RFFL: variants seen among roughly 807,000 people sequenced by gnomAD.
RFFL encodes ring finger and FYVE like domain containing E3 ubiquitin protein ligase, also known as E3 ubiquitin-protein ligase rififylin.
Under a neutral mutation model 40.4 loss-of-function variants are expected in RFFL, and 16 were observed. The observed-to-expected ratio is 0.40, with a 90% CI of 0.27 to 0.60. RFFL has a LOEUF of 0.60. RFFL is among the 20% of genes least tolerant of loss of function. The pLI, the probability that RFFL is intolerant of heterozygous loss-of-function variation, is 0.47. For synonymous variants in RFFL, 154 were observed against 167.9 expected (o/e 0.92, Z 0.64); for missense variants, 367 against 451.7 (o/e 0.81, Z 1.70).
intron 1 of RFFL, among the ~76,000 whole-genome samples, chr17:35,060,036 T>G (rs2091282563): frequency 6.6e-6 from 1 of 152,224 alleles, no homozygotes; most frequent in African/African-American, 2.4e-5. Context: ...TGAAGTGATC[T>G]AAAAAGTTAA....
intron 1 of RFFL, among the ~76,000 whole-genome samples, chr17:35,027,495 C>T (rs1477444799): frequency 1.3e-5 from 2 of 151,820 alleles, no homozygotes; most frequent in Non-Finnish European, 2.9e-5. Context: ...GAGACTGAGG[C>T]GAGTGGATCA....
At chr17:35,018,005 TC>T in intron 3 of RFFL, among the ~76,000 whole-genome samples, 1 of 152,292 alleles carries the variant, frequency 6.6e-6, no homozygotes, top group East Asian at 1.9e-4. Flanking sequence ...GCCATCCCTA[TC>T]CCTGGTTCTG....
intron 1 of RFFL, chr17:35,042,178 C>T (rs1227700251): frequency 6.6e-6 from 1 of 152,154 alleles, no homozygotes; most frequent in Non-Finnish European, 1.5e-5. Flanking sequence ...TTTATACCAA[C>T]AGCATAATTA....
At position 35,011,634 on chromosome 17, in the gene RFFL, G is replaced by A. The variant is rs1012179224; in HGVS notation, c.*334C>T. On this transcript the variant is annotated 3_prime_UTR_variant, in exon 7 of 7. Transcript: ENST00000394597. The stretch of plus-strand genomic sequence containing the variant: ...GGTGGGGATGGGTTGGGTACAGGAG[G>A]AGGGGTGAAACTGTCTAGGTTCAGG... 5.1e-5 allele frequency: 13 copies of A among 252,712 alleles called. No homozygotes were observed. The highest frequency in any genetic ancestry group is 1.0e-4 in the Non-Finnish European group (13 of 129,676). 15.7% of individuals were successfully genotyped at this position (252,712 alleles called of 1,614,324 possible).
At chr17:35,024,237 C>A (rs2091027551) in intron 2 of RFFL, among the ~76,000 whole-genome samples, 1 of 152,176 alleles carries the variant, frequency 6.6e-6, no homozygotes, top group South Asian at 2.1e-4. Context: ...CTCCCTCCCA[C>A]CCTATTCCCT....
In RFFL at chr17:35,007,609, G is replaced by A. The variant is rs1597807576; in HGVS notation, c.*4359C>T. The stretch of plus-strand genomic sequence containing the variant: ...TTTCTCTTCTCAGTCACAGCAGATG[G>A]ACACATAATCTTGTTCTCCCAGGGG... On this transcript the variant is annotated 3_prime_UTR_variant, in exon 7 of 7. Coordinates refer to ENST00000394597, the MANE Select transcript of RFFL (RefSeq NM_001017368.2). 1 of 152,390 alleles carries A rather than the reference G, an allele frequency of 6.6e-6. No individual in the cohort carries two copies. Among genetic ancestry groups the A allele is most frequent in the South Asian group, 2.1e-4 (1 of 4,822 alleles). The allele number at this position is 152,390 out of a possible 1,614,324, so 9.4% of individuals were successfully genotyped here. A position where few individuals can be genotyped will look rare whatever the true frequency, so the allele number is the denominator to read the frequency against.
chr17:35,080,294 T>C (rs2091397571), intron 1 of RFFL, among the ~76,000 whole-genome samples: 1 of 152,160 alleles, frequency 6.6e-6, no homozygotes, highest in Non-Finnish European at 1.5e-5. Flanking sequence ...GGTTGGAAGT[T>C]GATAGAGGAT....
chr17:35,083,077 G>C (rs753497595), intron 1 of RFFL, among the ~76,000 whole-genome samples: 1 of 152,140 alleles, frequency 6.6e-6, no homozygotes, highest in Non-Finnish European at 1.5e-5. Flanking sequence ...TTCAATAAAG[G>C]CTTCAGCTGT....
intron 1 of RFFL, among the ~76,000 whole-genome samples, chr17:35,059,842 T>A (rs8065886): frequency 0.023 from 3,448 of 152,168 alleles, 160 homozygotes; most frequent in African/African-American, 0.079. Context: ...TTAAAACTTA[T>A]AATGATAAGA....
chr17:35,048,752 T>C (rs571798215), intron 1 of RFFL, among the ~76,000 whole-genome samples: 1 of 152,346 alleles, frequency 6.6e-6, no homozygotes, highest in East Asian at 1.9e-4. Context: ...CTCCACCTGA[T>C]GCACTGTAAT....
intron 1 of RFFL, among the ~76,000 whole-genome samples, chr17:35,088,307 T>G (rs982706956): frequency 7.2e-5 from 11 of 152,152 alleles, no homozygotes; most frequent in Non-Finnish European, 1.2e-4. Context: ...CGGTACACTC[T>G]TGATTACACA....
rs1458844263 is a variant in RFFL, at chr17:35,010,414, A to G, written c.*1554T>C. ...GGGGTGTAAAGACTGTGAGGGCTCA[A>G]ATACATCACCTACTCATTGCATGGT... is the stretch of plus-strand genomic sequence containing the variant. On this transcript the variant is annotated 3_prime_UTR_variant, in exon 7 of 7. Transcript: ENST00000394597. The G allele has an allele frequency of 6.6e-6, 1 of 152,236 alleles. No homozygotes were observed. Among genetic ancestry groups the G allele is most frequent in the Non-Finnish European group, 1.5e-5 (1 of 68,080 alleles). 9.4% of individuals were successfully genotyped at this position (152,236 alleles called of 1,614,324 possible).
At chr17:35,065,066 T>C (rs10491117), upstream of RFFL, among the ~76,000 whole-genome samples, 13,986 of 152,192 alleles carry the variant, frequency 0.092, 1,961 homozygotes, top group African/African-American at 0.3. Flanking sequence ...TAGTCCTTTC[T>C]GAATGATAAA....
chr17:35,025,899 G>C (rs141224616), intron 2 of RFFL, among the ~76,000 whole-genome samples: 1 of 152,300 alleles, frequency 6.6e-6, no homozygotes, highest in Non-Finnish European at 1.5e-5. Flanking sequence ...TGTACCTGAG[G>C]CATCCTTAAC....
upstream of RFFL, chr17:35,063,723 G>T (rs979497132): frequency 6.6e-6 from 1 of 152,166 alleles, no homozygotes; most frequent in Non-Finnish European, 1.5e-5. Context: ...GTGCCGCCTG[G>T]GGATGTATCT....
intron 1 of RFFL, among the ~76,000 whole-genome samples, chr17:35,058,305 G>A (rs1222412829): frequency 6.6e-6 from 1 of 152,096 alleles, no homozygotes; most frequent in Non-Finnish European, 1.5e-5. Context: ...ACACCCCCAG[G>A]AGACACTGAG....
At chr17:35,012,242 T>C in intron 6 of RFFL, 93 bp from the exon 7 acceptor site, 1 of 1,052,734 alleles carries the variant, frequency 9.5e-7, no homozygotes, top group Non-Finnish European at 1.4e-6. Flanking sequence ...AGGTGGGAGA[T>C]AACAGGTACA....
intron 1 of RFFL, among the ~76,000 whole-genome samples, chr17:35,071,714 A>C (rs573097910): frequency 6.6e-6 from 1 of 152,192 alleles, no homozygotes; most frequent in Admixed American, 6.5e-5. Context: ...TGCTTAACCC[A>C]AAGAAACTAA....
chr17:35,037,749 G>A (rs764220784), intron 1 of RFFL, among the ~76,000 whole-genome samples: 6 of 152,164 alleles, frequency 3.9e-5, no homozygotes, highest in Admixed American at 2.6e-4. Flanking sequence ...GTACCCTCTT[G>A]AGATGTAGTC....
Sources: allele counts gnomAD v4.1 joint callset (sites outside exome capture counted in the v4.1 genomes callset), GRCh38; gene constraint gnomAD v4.1.1; transcripts MANE v1.5; gene names NCBI Gene and HGNC (gene_info 2026-07-23, HGNC 2026-07-21).